Variants in ZNF254 observed in about 807,000 individuals in gnomAD.
ZNF254 encodes the protein zinc finger protein 254.
A neutral mutation model predicts 12.4 loss-of-function variants in ZNF254; 10 were observed. The ratio of observed to expected loss-of-function variants is 0.80; its 90% CI spans 0.50 to 1.36. ZNF254 has a LOEUF of 1.36. Among genes scored for constraint, ZNF254 ranks in the 40% most tolerant of loss-of-function variants. ZNF254 has a pLI of 0.00. For synonymous variants in ZNF254, 305 were observed against 253.4 expected, an observed-to-expected ratio of 1.20 and a Z score of -1.93; for missense variants, 996 against 763.9, an observed-to-expected ratio of 1.30 and a Z score of -3.58.
chr19:24,088,370 C>T (rs1187886277), intron 1 of ZNF254, among the ~76,000 whole-genome samples: 1 of 151,948 alleles, frequency 6.6e-6, no homozygotes, highest in East Asian at 1.9e-4. Context: ...AGTAGAAATC[C>T]GGGGACTAGA....
chr19:24,101,142 G>A (rs1056956073), intron 1 of ZNF254, among the ~76,000 whole-genome samples: 1 of 152,176 alleles, frequency 6.6e-6, no homozygotes, highest in Admixed American at 6.5e-5. Flanking sequence ...ATGGCACCCA[G>A]CCCGTATCAG....
intron 1 of ZNF254, among the ~76,000 whole-genome samples, chr19:24,045,667 C>CAA (rs35872820): frequency 0.021 from 1,859 of 88,644 alleles, 67 homozygotes; most frequent in African/African-American, 0.074. Context: ...GACTCTGTCT[C>CAA]AAAAAAAAAA....
At position 24,062,905 on chromosome 19, in the gene ZNF254, A is replaced by G. The variant is rs959984707; in HGVS notation, c.-94+16626A>G. On this transcript the variant is annotated intron_variant, in intron 2 of 4. Transcript: ENST00000613065. Reference sequence around the variant, plus strand: ...AAACTCTGCTTCCTGGGTTCAAGTGATTCTCCTGCCTCAGCCTCCTGAGTA... The same window carrying G: ...AAACTCTGCTTCCTGGGTTCAAGTGGTTCTCCTGCCTCAGCCTCCTGAGTA... 2.3e-4 allele frequency among the ~76,000 whole-genome samples: 35 copies of G among 152,106 alleles called. 1 individual carries two copies. The highest frequency in any genetic ancestry group is 8.5e-4 in the African/African-American group (35 of 41,414).
intron 3 of ZNF254, among the ~76,000 whole-genome samples, chr19:24,111,214 G>A (rs1973658993): frequency 1.3e-5 from 2 of 149,276 alleles, no homozygotes; most frequent in African/African-American, 2.5e-5. Flanking sequence ...TTGGTTTTTT[G>A]TTCTTGCGAT....
intron 1 of ZNF254, among the ~76,000 whole-genome samples, chr19:24,042,156 A>C (rs1027780468): frequency 2.6e-5 from 4 of 151,878 alleles, no homozygotes; most frequent in African/African-American, 9.7e-5. Flanking sequence ...TGAATGCACC[A>C]GTCGACACTC....
rs1384678970 is a variant in ZNF254 at position 24,129,422 on chromosome 19, TAAC to T, written c.*1445_*1447del. 1 of 152,100 alleles carries T rather than the reference TAAC, an allele frequency of 6.6e-6. No individual in the cohort carries two copies. Among genetic ancestry groups the T allele is most frequent in the Non-Finnish European group, 1.5e-5 (1 of 67,946 alleles). The allele number at this position is 152,100 out of a possible 1,614,324, so 9.4% of individuals were successfully genotyped here. A position where few individuals can be genotyped will look rare whatever the true frequency, so the allele number is the denominator to read the frequency against. ...ACTCAAGGATGTAGGTAAAAGATGG[TAAC>T]AATACACTATTTGGTAAGATAATGT... is the stretch of plus-strand genomic sequence containing the variant. On this transcript the variant is annotated 3_prime_UTR_variant, in exon 4 of 4. Transcript: ENST00000357002.
intron 3 of ZNF254, among the ~76,000 whole-genome samples, chr19:24,113,144 C>T (rs1973803380): frequency 6.6e-6 from 1 of 152,144 alleles, no homozygotes; most frequent in Admixed American, 6.5e-5. Flanking sequence ...CTATTCCAAT[C>T]AATAGAAAAA....
chr19:24,087,407 G>GC lies in ZNF254; in HGVS notation c.30+71dup, dbSNP rs913348532. 116 of 1,602,550 alleles carry GC rather than the reference G, an allele frequency of 7.2e-5. 1 individual carries two copies. Among genetic ancestry groups the GC allele is most frequent in the Non-Finnish European group, 9.1e-5 (106 of 1,171,016 alleles). On this transcript the variant is annotated intron_variant, in intron 1 of 3. Coordinates refer to ENST00000357002, the MANE Select transcript of ZNF254 (RefSeq NM_203282.4). The stretch of plus-strand genomic sequence containing the variant: ...TTGGAACTGGTGGGAAGCGGCTGTG[G>GC]CGGGACTCAGGCCTCCCCCCAGTCA...
intron 2 of ZNF254, chr19:24,079,989 A>C (rs891233419): frequency 2.0e-5 from 3 of 152,222 alleles, no homozygotes; most frequent in Non-Finnish European, 2.9e-5. Flanking sequence ...AAAATATACT[A>C]ACACTGATCT....
At chr19:24,060,284 T>C (rs1568432532) in intron 2 of ZNF254, among the ~76,000 whole-genome samples, 1 of 152,222 alleles carries the variant, frequency 6.6e-6, no homozygotes, top group Non-Finnish European at 1.5e-5. Flanking sequence ...GATAATGATA[T>C]CTATTGCTGG....
intron 1 of ZNF254, among the ~76,000 whole-genome samples, chr19:24,094,340 A>C (rs1054496656): frequency 6.6e-6 from 1 of 151,986 alleles, no homozygotes; most frequent in Non-Finnish European, 1.5e-5. Context: ...GGCTCACCGC[A>C]AACTCCACCT....
intron 2 of ZNF254, among the ~76,000 whole-genome samples, chr19:24,054,014 A>T (rs1352610809): frequency 5.3e-5 from 8 of 152,140 alleles, no homozygotes; most frequent in Admixed American, 5.2e-4. Context: ...CTAAAAGGTG[A>T]CACTTCTTGC....
chr19:24,079,869 A>T (rs1489575340), intron 2 of ZNF254: 1 of 152,204 alleles, frequency 6.6e-6, no homozygotes, highest in Non-Finnish European at 1.5e-5. Context: ...GTTGAAAGAG[A>T]TGAAGAAATG....
At chr19:24,039,327 T>TAGGGCCACAACTGTCC (rs1363991138) in intron 1 of ZNF254, among the ~76,000 whole-genome samples, 1 of 152,236 alleles carries the variant, frequency 6.6e-6, no homozygotes, top group African/African-American at 2.4e-5. Flanking sequence ...CAAGGGAAGT[T>TAGGGCCACAACTGTCC]AGGGCCACAA....
At chr19:24,100,932 A>T (rs1972988597) in intron 1 of ZNF254, among the ~76,000 whole-genome samples, 1 of 150,460 alleles carries the variant, frequency 6.6e-6, no homozygotes, top group African/African-American at 2.5e-5. Context: ...AGTTCAAGTG[A>T]TTCTCCTGCC....
chr19:24,122,375 CCAT>C (rs1974540175), intron 3 of ZNF254, among the ~76,000 whole-genome samples: 1 of 152,118 alleles, frequency 6.6e-6, no homozygotes, highest in Non-Finnish European at 1.5e-5. Flanking sequence ...CAGGTGACCG[CCAT>C]CATGCCTGGC....
In ZNF254 at chr19:24,127,030, C is replaced by A; in HGVS notation, c.1030C>A (p.His344Asn). Reference protein sequence around the residue: ...SSTLTRHKRMHTGEKPYKCEE... With the variant: ...SSTLTRHKRMNTGEKPYKCEE... Reference sequence around the variant, plus strand: ...AACACTAACTAGACATAAGAGGATGCACACTGGAGAGAAACCCTACAAATG... The same window carrying A: ...AACACTAACTAGACATAAGAGGATGAACACTGGAGAGAAACCCTACAAATG... The change falls in exon 4 of 4, where the codon CAC becomes AAC. Residue 344 changes from histidine (H) to asparagine (N), a missense_variant. Physicochemically the swap from His to Asn is moderately conservative, Grantham distance 68. Coordinates refer to ENST00000357002, the MANE Select transcript of ZNF254 (RefSeq NM_203282.4). 6.2e-7 allele frequency: 1 copy of A among 1,613,602 alleles called. No individual in the cohort carries two copies. Among genetic ancestry groups the A allele is most frequent in the Non-Finnish European group, 8.5e-7 (1 of 1,179,824 alleles).
At chr19:24,059,366 C>T (rs527707679) in intron 2 of ZNF254, among the ~76,000 whole-genome samples, 4 of 152,232 alleles carry the variant, frequency 2.6e-5, no homozygotes, top group African/African-American at 7.2e-5. Flanking sequence ...TTACTTGATG[C>T]GACTCTCCTC....
rs1056929850 is a variant in ZNF254 at position 24,126,976 on chromosome 19, G to A, written c.976G>A (p.Glu326Lys). Residue 326 changes from glutamate to lysine, a missense_variant, in exon 4 of 4, where the codon GAA becomes AAA. Glu to Lys is a moderately conservative substitution (Grantham distance 56). Coordinates refer to ENST00000357002, the MANE Select transcript of ZNF254 (RefSeq NM_203282.4). Reference sequence around the variant, plus strand: ...TAGAAAGAAACCCTACAAGTGTGAAGAATGTGGCAAAGCATTTATATGGTC... The same window carrying A: ...TAGAAAGAAACCCTACAAGTGTGAAAAATGTGGCAAAGCATTTATATGGTC... ...HTRKKPYKCE[E>K]CGKAFIWSST... is the part of the protein sequence containing the mutation. 9 of 1,613,658 alleles carry A rather than the reference G, an allele frequency of 5.6e-6. No homozygotes were observed. Among genetic ancestry groups the A allele is most frequent in the Non-Finnish European group, 7.6e-6 (9 of 1,179,800 alleles).
Sources: allele counts gnomAD v4.1 joint callset (sites outside exome capture counted in the v4.1 genomes callset), GRCh38; gene constraint gnomAD v4.1.1; transcripts MANE v1.5; gene names NCBI Gene and HGNC (gene_info 2026-07-23, HGNC 2026-07-21).